SNX7: variants seen among roughly 807,000 people sequenced by gnomAD.
SNX7 encodes the protein sorting nexin-7.
SNX7 carries 35 observed loss-of-function variants against 48.4 expected under a neutral mutation model. The observed-to-expected ratio is 0.72, with a 90% CI of 0.55 to 0.96. The LOEUF (loss-of-function observed/expected upper bound fraction) is 0.96. SNX7 is among the 40% of genes least tolerant of loss of function. The probability of loss-of-function intolerance (pLI) is 0.00; values close to 1 mark genes in which losing one functional copy is unlikely to be tolerated. For synonymous variants in SNX7, 190 were observed against 190.2 expected (o/e 1.00, Z 0.01); for missense variants, 553 against 548.9 (o/e 1.01, Z -0.07).
At chr1:98,670,902 A>G (rs903903618) in intron 1 of SNX7, among the ~76,000 whole-genome samples, 7 of 137,382 alleles carry the variant, frequency 5.1e-5, no homozygotes, top group African/African-American at 7.9e-5. Flanking sequence ...TTATTTATTT[A>G]TTGGTCAGGA....
chr1:98,708,510 T>C (rs918176009), intron 7 of SNX7, among the ~76,000 whole-genome samples: 1 of 151,478 alleles, frequency 6.6e-6, no homozygotes, highest in East Asian at 1.9e-4. Flanking sequence ...ACGTGGAGAG[T>C]AGAGGATGGA....
rs773806125 is a variant in SNX7 at position 98,691,195 on chromosome 1, C to CA, written c.474+14dup. ...CACTCTGATTATTCCAGTAAGTTTG[C>CA]AAAATTTTTTTTTTCATAGAATAGC... is the stretch of plus-strand genomic sequence containing the variant. On this transcript the variant is annotated intron_variant, in intron 3 of 8. Coordinates refer to ENST00000306121, the MANE Select transcript of SNX7 (RefSeq NM_015976.5). 6 of 1,566,248 alleles carry CA rather than the reference C, an allele frequency of 3.8e-6. No homozygotes were observed. The South Asian group carries it at 7.2e-5, about 19-fold the overall frequency.
At chr1:98,715,414 G>A (rs1046570632) in intron 7 of SNX7, among the ~76,000 whole-genome samples, 9 of 152,094 alleles carry the variant, frequency 5.9e-5, no homozygotes, top group Non-Finnish European at 1.5e-5. Context: ...TTTGATGACT[G>A]ATTAAGGCAA....
rs752367856 is a variant in SNX7, at chr1:98,691,699, G to C, written c.639G>C (p.Trp213Cys). The C allele has an allele frequency of 6.3e-7, 1 of 1,592,190 alleles. No homozygotes were observed. Among genetic ancestry groups the C allele is most frequent in the Non-Finnish European group, 8.5e-7 (1 of 1,170,642 alleles). The change falls in exon 4 of 9, where the codon TGG becomes TGC. Residue 213 changes from tryptophan to cysteine, a missense_variant and splice_region_variant. Trp to Cys is a radical substitution (Grantham distance 215). Coordinates refer to ENST00000306121, the MANE Select transcript of SNX7 (RefSeq NM_015976.5). ...AAATTTTTCTCACTGCACAAGCTTG[G>C]GTAAATGATTTTTATTTATACTCAT... ...DFKIFLTAQA[W>C]ELSSHKKQGP...
chr1:98,671,678 G>A (rs747028915), intron 1 of SNX7, among the ~76,000 whole-genome samples: 4 of 152,004 alleles, frequency 2.6e-5, no homozygotes, highest in Admixed American at 6.5e-5. Flanking sequence ...CATTATGCCT[G>A]CTTACAGTTA....
At chr1:98,662,640 G>C (rs2100892763) in intron 1 of SNX7, 1 of 1,283,272 alleles carries the variant, frequency 7.8e-7, no homozygotes, top group East Asian at 5.6e-5. Flanking sequence ...GGTACGTGTA[G>C]ACTGGTGTTT....
Position 98,661,751 on chromosome 1 carries a change from C to T in SNX7, c.20C>T (p.Ala7Val). The change falls in exon 1 of 9, where the codon GCA becomes GTA. Residue 7 changes from alanine to valine, a missense_variant. Physicochemically the swap from Ala to Val is moderately conservative, Grantham distance 64. Coordinates refer to ENST00000306121, the MANE Select transcript of SNX7 (RefSeq NM_015976.5). MEGERR[A>V]SQAPSSGLPA... ...CTCGGGATGGAGGGCGAGCGCCGGG[C>T]ATCGCAGGCGCCCTCCTCGGGCCTC... 1 of 1,235,908 alleles carries T rather than the reference C, an allele frequency of 8.1e-7. No homozygotes were observed. The highest frequency in any genetic ancestry group is 3.2e-5 in the East Asian group (1 of 31,340). 76.6% of individuals were successfully genotyped at this position (1,235,908 alleles called of 1,614,324 possible).
intron 7 of SNX7, among the ~76,000 whole-genome samples, chr1:98,720,971 T>C (rs1482239198): frequency 2.0e-5 from 3 of 152,126 alleles, no homozygotes; most frequent in Non-Finnish European, 4.4e-5. Context: ...TACACAGTAC[T>C]AGAGCAAAAA....
chr1:98,730,775 T>G (rs777305291), intron 7 of SNX7, among the ~76,000 whole-genome samples: 1 of 152,054 alleles, frequency 6.6e-6, no homozygotes, highest in Non-Finnish European at 1.5e-5. Context: ...GCAAAAAACA[T>G]TCCATACTCA....
intron 7 of SNX7, among the ~76,000 whole-genome samples, chr1:98,726,141 G>T (rs1653153295): frequency 6.6e-6 from 1 of 152,178 alleles, no homozygotes; most frequent in Admixed American, 6.5e-5. Context: ...TGCACCCTCT[G>T]AAGGAAATGA....
intron 7 of SNX7, among the ~76,000 whole-genome samples, chr1:98,729,250 G>A (rs930232511): frequency 6.6e-6 from 1 of 151,950 alleles, no homozygotes; most frequent in Non-Finnish European, 1.5e-5. Context: ...AAGAAACAAC[G>A]CACCAGAATC....
intron 8 of SNX7, among the ~76,000 whole-genome samples, chr1:98,742,385 A>G (rs1216952456): frequency 6.6e-6 from 1 of 152,108 alleles, no homozygotes; most frequent in African/African-American, 2.4e-5. Context: ...GGCATCTCAC[A>G]TGACCGTATC....
intron 1 of SNX7, among the ~76,000 whole-genome samples, chr1:98,672,622 T>G (rs534029795): frequency 6.6e-6 from 1 of 151,998 alleles, no homozygotes; most frequent in South Asian, 2.1e-4. Flanking sequence ...AATTTTCTAC[T>G]AAGTAAGAAA....
At chr1:98,678,719 T>C (rs920513737) in intron 1 of SNX7, among the ~76,000 whole-genome samples, 5 of 152,190 alleles carry the variant, frequency 3.3e-5, no homozygotes, top group African/African-American at 1.2e-4. Flanking sequence ...AAATAAATTA[T>C]GATGTTAATG....
intron 7 of SNX7, among the ~76,000 whole-genome samples, chr1:98,725,005 T>C (rs968856746): frequency 6.6e-6 from 1 of 152,170 alleles, no homozygotes; most frequent in African/African-American, 2.4e-5. Flanking sequence ...TATTTTAATA[T>C]GGTGTACGGT....
chr1:98,754,986 T>C (rs1654770468), intron 8 of SNX7, among the ~76,000 whole-genome samples: 1 of 152,112 alleles, frequency 6.6e-6, no homozygotes, highest in South Asian at 2.1e-4. Flanking sequence ...CCAAAATTTT[T>C]GATGTGTTGT....
chr1:98,714,117 C>G (rs1652462090), intron 7 of SNX7, among the ~76,000 whole-genome samples: 1 of 152,118 alleles, frequency 6.6e-6, no homozygotes, highest in African/African-American at 2.4e-5. Context: ...GGAGAGTAAG[C>G]CTTTTCTCTC....
In SNX7 at chr1:98,679,414, G is replaced by A. The variant is rs116427720; in HGVS notation, c.181-5471G>A. On this transcript the variant is annotated intron_variant, in intron 1 of 8. Transcript: ENST00000306121. ...CAAACCATATCACTCCACCCCTGGC[G>A]CCTCCCAAATCTCATGTCCTCACAT... Among the ~76,000 whole-genome samples the A allele has an allele frequency of 2.8e-3, 423 of 152,082 alleles. 5 individuals are homozygous for A. The highest frequency in any genetic ancestry group is 0.023 in the East Asian group (116 of 5,148).
intron 1 of SNX7, among the ~76,000 whole-genome samples, chr1:98,669,406 A>C (rs934534782): frequency 7.2e-5 from 11 of 152,308 alleles, no homozygotes; most frequent in Admixed American, 2.0e-4. Flanking sequence ...ATGTGTTCCC[A>C]GCAAATCAGT....
Sources: gnomAD v4.1 joint callset for allele counts (sites outside exome capture counted in the v4.1 genomes callset) on GRCh38, gnomAD v4.1.1 for gene constraint, MANE v1.5 for transcripts, NCBI Gene and HGNC (gene_info 2026-07-23, HGNC 2026-07-21) for gene names.